POLD2: variants seen among roughly 807,000 people sequenced by gnomAD.
POLD2 encodes the protein DNA polymerase delta 2, accessory subunit, also known as DNA polymerase delta subunit 2.
Under a neutral mutation model 48.8 loss-of-function variants are expected in POLD2, and 31 were observed. The ratio of observed to expected loss-of-function variants is 0.64; its 90% CI spans 0.48 to 0.86. The LOEUF is 0.86. Among genes scored for constraint, POLD2 ranks in the 40% least tolerant of loss-of-function variants. The probability of loss-of-function intolerance (pLI) is 0.00; values close to 1 mark genes in which losing one functional copy is unlikely to be tolerated. For missense variants in POLD2, 455 were observed against 610.1 expected, an observed-to-expected ratio of 0.75 and a Z score of 2.68; for synonymous variants, 233 against 256.3, an observed-to-expected ratio of 0.91 and a Z score of 0.87.
Position 44,123,535 on chromosome 7 carries a change from A to G in POLD2, c.-81T>C. On this transcript the variant is annotated 5_prime_UTR_variant, in exon 1 of 11. Transcript: ENST00000610533. ...CCGCGCGGCGCGCCGCATCCCGCCA[A>G]TCCCCGCGCGCCTGCCCCGCCCATC... is the stretch of plus-strand genomic sequence containing the variant. 6.7e-7 allele frequency: 1 copy of G among 1,487,486 alleles called. No homozygotes were observed. Among genetic ancestry groups the G allele is most frequent in the Non-Finnish European group, 8.9e-7 (1 of 1,126,772 alleles). 92.1% of individuals were successfully genotyped at this position (1,487,486 alleles called of 1,614,324 possible).
intron 9 of POLD2, 64 bp from the exon 10 acceptor site, chr7:44,115,460 T>TG: frequency 9.4e-7 from 1 of 1,062,184 alleles, no homozygotes; most frequent in Non-Finnish European, 1.5e-6. Context: ...GCACAGGATG[T>TG]GGGGCTGCAG....
At chr7:44,118,213 T>G in intron 2 of POLD2, 149 bp from the exon 3 acceptor site, 1 of 888,934 alleles carries the variant, frequency 1.1e-6, no homozygotes, top group South Asian at 1.8e-5. Flanking sequence ...CCCCCTGGAC[T>G]TCACGGTGAC....
At chr7:44,123,629 C>T (rs1425529720), upstream of POLD2, 2 of 1,394,402 alleles carry the variant, frequency 1.4e-6, no homozygotes, top group Non-Finnish European at 1.9e-6. Context: ...CTGCCCTCCT[C>T]GCCCCGTCCG....
rs2096242911 is a variant in POLD2, at chr7:44,117,963, G to C, written c.322C>G (p.Leu108Val). 2 of 1,614,188 alleles carry C rather than the reference G, an allele frequency of 1.2e-6. No individual in the cohort carries two copies. Among genetic ancestry groups the C allele is most frequent in the African/African-American group, 2.7e-5 (2 of 75,064 alleles). Residue 108 changes from leucine (L) to valine (V), a missense_variant, in exon 3 of 11, where the codon CTG becomes GTG. Leu to Val is a conservative substitution (Grantham distance 32, BLOSUM62 1). Coordinates refer to ENST00000610533, the MANE Select transcript of POLD2 (RefSeq NM_006230.4). ...FKAMPLQPSI[L>V]REVSEEHNLL... ...CTCACCTCCTCGCTGACCTCCCGCAGGATGGAGGGCTGCAGCGGCATGGCC... is the reference window on the plus strand; with the variant it reads ...CTCACCTCCTCGCTGACCTCCCGCACGATGGAGGGCTGCAGCGGCATGGCC...
intron 2 of POLD2, among the ~76,000 whole-genome samples, chr7:44,119,259 T>C (rs1266772478): frequency 6.6e-6 from 1 of 151,936 alleles, no homozygotes; most frequent in African/African-American, 2.4e-5. Flanking sequence ...GAGGGAGGAA[T>C]ACAGGTGCCC....
rs541359814 is a variant in POLD2, at chr7:44,121,552, G to T, written c.220+282C>A. On this transcript the variant is annotated intron_variant, in intron 2 of 10. Transcript: ENST00000610533. This position sits in a 1 kb window ranked among gnomAD's most constrained non-coding sequence, Gnocchi z 4.5. ...AAATACCTGAATAATCTGCACTGAA[G>T]ATAGGAAAACCATTTTCCTCTGCCA... 6.6e-6 allele frequency among the ~76,000 whole-genome samples: 1 copy of T among 152,210 alleles called. No individual in the cohort carries two copies. Among genetic ancestry groups the T allele is most frequent in the Non-Finnish European group, 1.5e-5 (1 of 68,046 alleles).
At position 44,116,443 on chromosome 7, in the gene POLD2, AGGATCT is replaced by A; in HGVS notation, c.842_847del (p.Glu281_Leu283delinsVal). ...CAGCTCGCTCACGCTCAGCTGCAGGAGGATCTCATCCAGCATCTTAACAGCCTCCAC... is the reference window on the plus strand; with the variant it reads ...CAGCTCGCTCACGCTCAGCTGCAGGACATCCAGCATCTTAACAGCCTCCAC... On this transcript the variant is annotated inframe_deletion, in exon 7 of 11. Coordinates refer to ENST00000610533, the MANE Select transcript of POLD2 (RefSeq NM_006230.4). The surrounding 1 kb of genome is among the most constrained non-coding windows in gnomAD (Gnocchi z 6.1). 1.3e-6 allele frequency: 2 copies of A among 1,580,522 alleles called. No individual in the cohort carries two copies. The highest frequency in any genetic ancestry group is 1.7e-6 in the Non-Finnish European group (2 of 1,162,616).
chr7:44,123,862 C>G (rs2096252040), upstream of POLD2, among the ~76,000 whole-genome samples: 1 of 152,226 alleles, frequency 6.6e-6, no homozygotes, highest in Admixed American at 6.5e-5. Flanking sequence ...GCCCAAACCT[C>G]CCAGTGGTCG....
In POLD2 at chr7:44,116,714, C is replaced by T; in HGVS notation, c.780+103G>A. ...TCACTGCAGGGCGCTTCCCACCGAC[C>T]TGCGAGACCTCACAGGGTACCCTAC... On this transcript the variant is annotated intron_variant, in intron 6 of 10. Transcript: ENST00000610533. The surrounding 1 kb of genome is among the most constrained non-coding windows in gnomAD (Gnocchi z 6.1). 7.6e-7 allele frequency: 1 copy of T among 1,317,538 alleles called. No individual in the cohort carries two copies. Among genetic ancestry groups the T allele is most frequent in the Non-Finnish European group, 1.1e-6 (1 of 938,070 alleles). 81.6% of individuals were successfully genotyped at this position (1,317,538 alleles called of 1,614,324 possible).
chr7:44,123,805 G>C (rs978394117), upstream of POLD2: 53 of 987,928 alleles, frequency 5.4e-5, no homozygotes, highest in Non-Finnish European at 6.5e-5. Context: ...GGGCTGACGG[G>C]GGGTGTCGGC....
At chr7:44,117,922 C>G (rs373758139) in intron 3 of POLD2, 21 bp downstream of exon 3, 106 of 1,611,518 alleles carry the variant, frequency 6.6e-5, no homozygotes, top group Non-Finnish European at 7.9e-5. Flanking sequence ...GGCGGCCCCA[C>G]TGTGTAGCAC....
In POLD2 at chr7:44,121,221, G is replaced by A. The variant is rs2096247697; in HGVS notation, c.220+613C>T. ...CACCTAAAACTCAAATAAACTCAAA[G>A]GGGGAGATGGGGGTCCCTGCTTCAC... On this transcript the variant is annotated intron_variant, in intron 2 of 10. Coordinates refer to ENST00000610533, the MANE Select transcript of POLD2 (RefSeq NM_006230.4). This position sits in a 1 kb window ranked among gnomAD's most constrained non-coding sequence, Gnocchi z 4.5. Among the ~76,000 whole-genome samples the A allele has an allele frequency of 6.6e-6, 1 of 152,168 alleles. No homozygotes were observed. Among genetic ancestry groups the A allele is most frequent in the Non-Finnish European group, 1.5e-5 (1 of 68,028 alleles).
Position 44,121,862 on chromosome 7 carries a change from G to A in POLD2, c.192C>T (p.Phe64=). The change falls in exon 2 of 11, where the codon TTC becomes TTT. Residue 64 remains phenylalanine (F), a synonymous_variant. Coordinates refer to ENST00000610533, the MANE Select transcript of POLD2 (RefSeq NM_006230.4). This position sits in a 1 kb window ranked among gnomAD's most constrained non-coding sequence, Gnocchi z 4.5. ...YATRLIQMRP[F]LENRAQQHWG... ...AGTGCTGCTGGGCCCGGTTCTCCAGGAAGGGTCTCATTTGGATGAGGCGGG... is the reference window on the plus strand; with the variant it reads ...AGTGCTGCTGGGCCCGGTTCTCCAGAAAGGGTCTCATTTGGATGAGGCGGG... 2.5e-6 allele frequency: 4 copies of A among 1,613,304 alleles called. No individual in the cohort carries two copies. The highest frequency in any genetic ancestry group is 2.5e-6 in the Non-Finnish European group (3 of 1,180,028).
rs940852752 is a variant in POLD2, at chr7:44,114,781, T to C, written c.*4A>G. 1 of 1,601,140 alleles carries C rather than the reference T, an allele frequency of 6.2e-7. No homozygotes were observed. Among genetic ancestry groups the C allele is most frequent in the Non-Finnish European group, 8.5e-7 (1 of 1,170,576 alleles). ...GCCTCTCTGGTCAAAACCACTTTTT[T>C]GAGTCAGGGGCCCAGCCCCAGGCCT... On this transcript the variant is annotated 3_prime_UTR_variant, in exon 11 of 11. Coordinates refer to ENST00000610533, the MANE Select transcript of POLD2 (RefSeq NM_006230.4).
In POLD2 at chr7:44,116,283, C is replaced by A. The variant is rs916938344; in HGVS notation, c.862-11G>T. Reference sequence around the variant, plus strand: ...CACGGGCACTGAGGCCTGGAAGGCACAGGGCAGGGAGAGCTCACAGGGCCC... The same window carrying A: ...CACGGGCACTGAGGCCTGGAAGGCAAAGGGCAGGGAGAGCTCACAGGGCCC... On this transcript the variant is annotated splice_polypyrimidine_tract_variant and intron_variant, in intron 7 of 10. Coordinates refer to ENST00000610533, the MANE Select transcript of POLD2 (RefSeq NM_006230.4). The surrounding 1 kb of genome is among the most constrained non-coding windows in gnomAD (Gnocchi z 6.1). The A allele has an allele frequency of 6.2e-7, 1 of 1,605,212 alleles. No homozygotes were observed. Among genetic ancestry groups the A allele is most frequent in the Non-Finnish European group, 8.5e-7 (1 of 1,175,196 alleles).
intron 1 of POLD2, 87 bp from the exon 2 acceptor site, chr7:44,122,196 C>T: frequency 1.0e-5 from 15 of 1,444,738 alleles, no homozygotes; most frequent in Non-Finnish European, 1.4e-5. Context: ...CCAAAGGATA[C>T]TGGGAAAAGA....
At chr7:44,123,585 G>C (rs1367775919), upstream of POLD2, 7 of 1,451,892 alleles carry the variant, frequency 4.8e-6, 1 homozygote, top group South Asian at 8.1e-5. Flanking sequence ...ATCCCCGCGC[G>C]GCTTCCCCGC....
At chr7:44,123,922 C>G (rs184139728), upstream of POLD2, among the ~76,000 whole-genome samples, 1 of 152,258 alleles carries the variant, frequency 6.6e-6, no homozygotes, top group East Asian at 1.9e-4. Flanking sequence ...CTTGGTGAAG[C>G]CCCCAGCGTC....
In POLD2 at chr7:44,117,915, G is replaced by A. The variant is rs138290311; in HGVS notation, c.342+28C>T. 1.9e-5 allele frequency: 31 copies of A among 1,610,124 alleles called. No individual in the cohort carries two copies. In the East Asian group the frequency reaches 3.6e-4, roughly 19 times the overall value. On this transcript the variant is annotated intron_variant, in intron 3 of 10. Coordinates refer to ENST00000610533, the MANE Select transcript of POLD2 (RefSeq NM_006230.4). ...TAGTGGGAGGCCAGGTCTGCCTGGCGGCCCCACTGTGTAGCACCCTGCCTC... is the reference window on the plus strand; with the variant it reads ...TAGTGGGAGGCCAGGTCTGCCTGGCAGCCCCACTGTGTAGCACCCTGCCTC...
Sources: allele counts gnomAD v4.1 joint callset (sites outside exome capture counted in the v4.1 genomes callset), GRCh38; gene constraint gnomAD v4.1.1; non-coding constraint Gnocchi (gnomAD v3.1); transcripts MANE v1.5; gene names NCBI Gene and HGNC (gene_info 2026-07-23, HGNC 2026-07-21).